RAP1A: variants seen among roughly 807,000 people sequenced by gnomAD.
RAP1A encodes RAP1A, member of RAS oncogene family, also known as ras-related protein Rap-1A.
A neutral mutation model predicts 26.4 loss-of-function variants in RAP1A; 6 were observed. That is an observed-to-expected ratio of 0.23 (90% CI 0.12 to 0.45). RAP1A has a LOEUF of 0.45. Ranked by LOEUF, RAP1A falls within the 20% of genes least tolerant of loss-of-function variation. RAP1A has a pLI of 0.99. For synonymous variants in RAP1A, 73 were observed against 79.4 expected (o/e 0.92, Z 0.43); for missense variants, 121 against 217.2 (o/e 0.56, Z 2.78).
chr1:111,546,572 T>A (rs1657041046), intron 1 of RAP1A, among the ~76,000 whole-genome samples: 1 of 152,186 alleles, frequency 6.6e-6, no homozygotes, highest in Admixed American at 6.5e-5. Flanking sequence ...TCCTTAAGTT[T>A]CATCCATATT....
At chr1:111,565,857 G>A (rs984652508) in intron 1 of RAP1A, among the ~76,000 whole-genome samples, 9 of 152,080 alleles carry the variant, frequency 5.9e-5, no homozygotes, top group African/African-American at 2.2e-4. Context: ...CTACTGGACA[G>A]CACATTATAT....
At chr1:111,586,861 G>A (rs925722232) in intron 1 of RAP1A, among the ~76,000 whole-genome samples, 2 of 152,112 alleles carry the variant, frequency 1.3e-5, no homozygotes, top group Non-Finnish European at 1.5e-5. Flanking sequence ...GAATCACCAC[G>A]GCTGGCTAAA....
At chr1:111,573,472 C>G (rs1658088326) in intron 1 of RAP1A, among the ~76,000 whole-genome samples, 1 of 152,074 alleles carries the variant, frequency 6.6e-6, no homozygotes, top group African/African-American at 2.4e-5. Flanking sequence ...GTAGCTGGGA[C>G]TACAGGGATG....
At chr1:111,702,915 A>G (rs1427670120) in intron 4 of RAP1A, among the ~76,000 whole-genome samples, 1 of 152,194 alleles carries the variant, frequency 6.6e-6, no homozygotes, top group East Asian at 1.9e-4. Flanking sequence ...AAATATTGCT[A>G]TGCCATGGGA....
At chr1:111,669,894 A>G (rs1660920760) in intron 1 of RAP1A, among the ~76,000 whole-genome samples, 1 of 152,226 alleles carries the variant, frequency 6.6e-6, no homozygotes, top group African/African-American at 2.4e-5. Context: ...AACCAGAAGG[A>G]CAACACAGAT....
intron 1 of RAP1A, among the ~76,000 whole-genome samples, chr1:111,544,413 G>A (rs1258288621): frequency 4.6e-5 from 7 of 151,988 alleles, no homozygotes; most frequent in Admixed American, 3.9e-4. Context: ...TGTCTCTATG[G>A]ATTTGACTAT....
At chr1:111,593,495 C>T (rs1212709647) in intron 1 of RAP1A, among the ~76,000 whole-genome samples, 1 of 151,926 alleles carries the variant, frequency 6.6e-6, no homozygotes, top group Non-Finnish European at 1.5e-5. Context: ...GGATCGCCAC[C>T]TCAAAGCTAA....
intron 1 of RAP1A, among the ~76,000 whole-genome samples, chr1:111,587,252 A>G (rs187285843): frequency 3.3e-5 from 5 of 152,220 alleles, no homozygotes; most frequent in Admixed American, 1.3e-4. Context: ...CATTCTTCTC[A>G]ACAGCTCTCT....
chr1:111,552,513 A>T (rs1010325267), intron 1 of RAP1A, among the ~76,000 whole-genome samples: 1 of 152,212 alleles, frequency 6.6e-6, no homozygotes, highest in Non-Finnish European at 1.5e-5. Flanking sequence ...GTTCATTTTC[A>T]GAGTACCTTA....
intron 1 of RAP1A, chr1:111,648,877 T>C: frequency 3.8e-6 from 3 of 790,446 alleles, no homozygotes; most frequent in Admixed American, 3.5e-5. Flanking sequence ...TCTGCCTCCA[T>C]GGTCAACCCA....
chr1:111,691,593 C>T lies in RAP1A; in HGVS notation c.57+176C>T, dbSNP rs10489470. 0.087 allele frequency among the ~76,000 whole-genome samples: 13,224 copies of T among 152,240 alleles called. 769 individuals carry two copies. The highest frequency in any genetic ancestry group is 0.18 in the African/African-American group (7,326 of 41,512). On this transcript the variant is annotated intron_variant, in intron 2 of 7. Coordinates refer to ENST00000369709, the MANE Select transcript of RAP1A (RefSeq NM_002884.4). ...ACCACAGATGTATATAGTTTTATAA[C>T]ATTGGCTCATTTATTCTTATATTTA...
intron 1 of RAP1A, among the ~76,000 whole-genome samples, chr1:111,576,364 A>G (rs906487633): frequency 2.0e-5 from 3 of 152,250 alleles, no homozygotes; most frequent in Non-Finnish European, 2.9e-5. Context: ...ATATTTGTAT[A>G]TATCATGACT....
intron 1 of RAP1A, among the ~76,000 whole-genome samples, chr1:111,679,512 C>CT (rs1387393720): frequency 6.6e-6 from 1 of 152,004 alleles, no homozygotes; most frequent in Non-Finnish European, 1.5e-5. Flanking sequence ...CTTTTCTTTT[C>CT]TTTTCTTTTT....
At chr1:111,595,432 C>A (rs1658547421) in intron 1 of RAP1A, among the ~76,000 whole-genome samples, 1 of 152,256 alleles carries the variant, frequency 6.6e-6, no homozygotes, top group Admixed American at 6.5e-5. Context: ...ATGTCACCCA[C>A]AAGCCTCATT....
At chr1:111,571,750 C>A (rs1234484179) in intron 1 of RAP1A, among the ~76,000 whole-genome samples, 8 of 152,086 alleles carry the variant, frequency 5.3e-5, no homozygotes, top group African/African-American at 1.9e-4. Context: ...TATGGGAAAC[C>A]CTTTAGTTTG....
At chr1:111,655,360 A>G (rs556948146) in intron 1 of RAP1A, among the ~76,000 whole-genome samples, 3 of 152,232 alleles carry the variant, frequency 2.0e-5, no homozygotes, top group South Asian at 4.1e-4. Context: ...AAAAGTGGCT[A>G]TTCTTAATAA....
intron 1 of RAP1A, among the ~76,000 whole-genome samples, chr1:111,641,614 C>G (rs1259001822): frequency 1.3e-5 from 2 of 152,014 alleles, no homozygotes; most frequent in Admixed American, 6.6e-5. Flanking sequence ...TCTCTATCTT[C>G]TAGAAGGAAG....
intron 1 of RAP1A, among the ~76,000 whole-genome samples, chr1:111,613,130 G>C (rs72983191): frequency 6.7e-6 from 1 of 150,234 alleles, no homozygotes; most frequent in Admixed American, 6.6e-5. Context: ...GGTAGATAGC[G>C]CTTTTTTGGT....
intron 1 of RAP1A, among the ~76,000 whole-genome samples, chr1:111,686,286 A>G (rs963874522): frequency 1.3e-5 from 2 of 152,160 alleles, no homozygotes; most frequent in African/African-American, 4.8e-5. Flanking sequence ...GATTATTGAT[A>G]CTGTTGGAAA....
Sources: gnomAD v4.1 joint callset for allele counts (sites outside exome capture counted in the v4.1 genomes callset) on GRCh38, gnomAD v4.1.1 for gene constraint, MANE v1.5 for transcripts, NCBI Gene and HGNC (gene_info 2026-07-23, HGNC 2026-07-21) for gene names.